The following PCDHGA2 variants were observed in gnomAD, a reference collection of about 807,000 sequenced individuals.
PCDHGA2 encodes protocadherin gamma-A2.
A neutral mutation model predicts 59.2 loss-of-function variants in PCDHGA2; 40 were observed. The observed-to-expected ratio is 0.68, with a 90% CI of 0.52 to 0.88. The LOEUF is 0.88. Ranked by LOEUF, PCDHGA2 falls within the 40% of genes least tolerant of loss-of-function variation. The pLI, the probability that PCDHGA2 is intolerant of heterozygous loss-of-function variation, is 0.00. For synonymous variants in PCDHGA2, 560 were observed against 526.0 expected (o/e 1.06, Z -0.89); for missense variants, 1,226 against 1,204.0 (o/e 1.02, Z -0.27).
intron 1 of PCDHGA2, chr5:141,419,630 G>A (rs1484627772): frequency 6.2e-7 from 1 of 1,612,430 alleles, no homozygotes; most frequent in South Asian, 1.1e-5. Context: ...GGTGACCAAG[G>A]TGGTGGCCGT....
Position 141,485,966 on chromosome 5 carries a change from A to T in PCDHGA2, c.2425-8841A>T. ...AGCGGGCATGGTGCTCATCCAGCTC[A>T]ATGCCTCAGACCCGGACCTGGGTCC... On this transcript the variant is annotated intron_variant, in intron 1 of 3. Coordinates refer to ENST00000394576, the MANE Select transcript of PCDHGA2 (RefSeq NM_018915.4). The surrounding 1 kb of genome is among the most constrained non-coding windows in gnomAD (Gnocchi z 5.7). 1 of 1,614,168 alleles carries T rather than the reference A, an allele frequency of 6.2e-7. No individual in the cohort carries two copies. Among genetic ancestry groups the T allele is most frequent in the Non-Finnish European group, 8.5e-7 (1 of 1,179,988 alleles).
intron 1 of PCDHGA2, among the ~76,000 whole-genome samples, chr5:141,480,753 G>A (rs1418880497): frequency 1.3e-5 from 2 of 152,144 alleles, no homozygotes; most frequent in Non-Finnish European, 2.9e-5. Flanking sequence ...ATCATTTTTT[G>A]AAGGTCCCCA....
intron 1 of PCDHGA2, chr5:141,394,510 C>T (rs371348730): frequency 2.5e-6 from 4 of 1,614,098 alleles, no homozygotes; most frequent in Non-Finnish European, 3.4e-6. Flanking sequence ...CTGTACCCCG[C>T]CCTCCCCACA....
chr5:141,364,347 G>C, intron 1 of PCDHGA2: 1 of 1,543,210 alleles, frequency 6.5e-7, no homozygotes, highest in East Asian at 2.3e-5. Context: ...AGTCCACCTA[G>C]GGGCTGGGGC....
chr5:141,394,809 G>C (rs1346374248), intron 1 of PCDHGA2: 1 of 1,613,892 alleles, frequency 6.2e-7, no homozygotes, highest in Non-Finnish European at 8.5e-7. Flanking sequence ...AGCCGTGGCT[G>C]ACAGCATCCC....
In PCDHGA2 at chr5:141,511,580, G is replaced by A. The variant is rs1436011320; in HGVS notation, c.*407G>A. ...CTCTTTCCCGAGTAAGGTGGTTGGG[G>A]TGTTGAAGTACCAAGTAACCTACAA... On this transcript the variant is annotated 3_prime_UTR_variant, in exon 4 of 4. Coordinates refer to ENST00000394576, the MANE Select transcript of PCDHGA2 (RefSeq NM_018915.4). 2 of 282,206 alleles carry A rather than the reference G, an allele frequency of 7.1e-6. No individual in the cohort carries two copies. Among genetic ancestry groups the A allele is most frequent in the Admixed American group, 4.6e-5 (1 of 21,516 alleles). The allele number at this position is 282,206 out of a possible 1,614,324, so 17.5% of individuals were successfully genotyped here.
intron 1 of PCDHGA2, chr5:141,410,343 G>C: frequency 6.2e-7 from 1 of 1,613,964 alleles, no homozygotes; most frequent in Non-Finnish European, 8.5e-7. Flanking sequence ...ATTGCCTTGC[G>C]CCTGCGACGC....
intron 1 of PCDHGA2, chr5:141,478,480 G>C (rs1444434721): frequency 1.9e-6 from 3 of 1,613,564 alleles, no homozygotes; most frequent in South Asian, 2.2e-5. Flanking sequence ...GCCAGAACAC[G>C]CTGCGGAGCT....
In PCDHGA2 at chr5:141,374,403, A is replaced by G. The variant is rs201390749; in HGVS notation, c.2424+33008A>G. 6.2e-4 allele frequency: 999 copies of G among 1,613,916 alleles called. 2 individuals are homozygous for G. Among genetic ancestry groups the G allele is most frequent in the Non-Finnish European group, 8.1e-4 (961 of 1,179,908 alleles). ...AGCCCGCGGTGTCTGGTGAGTTTTA[A>G]CATCCTTGTCGAGGATAAACTGAAT... On this transcript the variant is annotated intron_variant, in intron 1 of 3. Coordinates refer to ENST00000394576, the MANE Select transcript of PCDHGA2 (RefSeq NM_018915.4).
chr5:141,419,644 CG>C (rs1418985518), intron 1 of PCDHGA2: 2 of 1,612,396 alleles, frequency 1.2e-6, no homozygotes, highest in Non-Finnish European at 1.7e-6. Flanking sequence ...TGGCCGTGGA[CG>C]CGGACTCGGG....
intron 1 of PCDHGA2, chr5:141,365,337 C>T: frequency 1.9e-6 from 3 of 1,613,956 alleles, no homozygotes; most frequent in Non-Finnish European, 2.5e-6. Flanking sequence ...GTGGTGGTCA[C>T]AGTACAGGAC....
At chr5:141,478,068 A>T (rs560968418) in intron 1 of PCDHGA2, 1 of 1,614,134 alleles carries the variant, frequency 6.2e-7, no homozygotes, top group East Asian at 2.2e-5. Flanking sequence ...ATCAAAGACA[A>T]TGGGGAGCCT....
At chr5:141,392,730 C>T (rs1374381872) in intron 1 of PCDHGA2, 10 of 1,409,212 alleles carry the variant, frequency 7.1e-6, no homozygotes, top group Non-Finnish European at 8.4e-6. Context: ...GGAGGATTGT[C>T]ATCTCCATAG....
chr5:141,349,704 A>G (rs903001595), intron 1 of PCDHGA2, among the ~76,000 whole-genome samples: 4 of 152,170 alleles, frequency 2.6e-5, no homozygotes, highest in Admixed American at 6.5e-5. Flanking sequence ...ATTTTAGTCA[A>G]CTAAAAATAT....
At chr5:141,420,211 T>C (rs759486952) in intron 1 of PCDHGA2, 11 of 1,612,388 alleles carry the variant, frequency 6.8e-6, no homozygotes, top group African/African-American at 1.3e-5. Context: ...TCAACAAAGA[T>C]AGCATGCTAC....
In PCDHGA2 at chr5:141,363,308, G is replaced by A. The variant is rs144371866; in HGVS notation, c.2424+21913G>A. ...ATTATATAGAATTTTTATTTTCTTA[G>A]TTTTCTATGAAAGTGTTATTAAATA... On this transcript the variant is annotated intron_variant, in intron 1 of 3. Transcript: ENST00000394576. Among the ~76,000 whole-genome samples, 211 of 152,094 alleles carry A rather than the reference G, an allele frequency of 1.4e-3. 2 individuals carry two copies. Among genetic ancestry groups the A allele is most frequent in the African/African-American group, 5.0e-3 (207 of 41,486 alleles).
intron 1 of PCDHGA2, among the ~76,000 whole-genome samples, chr5:141,466,514 T>C (rs1276000407): frequency 6.6e-6 from 1 of 152,226 alleles, no homozygotes; most frequent in Non-Finnish European, 1.5e-5. Context: ...AAGATCATTT[T>C]TTTTCCTCCC....
intron 1 of PCDHGA2, chr5:141,388,068 C>T (rs562398369): frequency 8.0e-6 from 11 of 1,373,194 alleles, no homozygotes; most frequent in Non-Finnish European, 1.1e-5. Flanking sequence ...CCAGGAGTTA[C>T]CGACTCGAAA....
chr5:141,485,737 C>T lies in PCDHGA2; in HGVS notation c.2425-9070C>T. On this transcript the variant is annotated intron_variant, in intron 1 of 3. Coordinates refer to ENST00000394576, the MANE Select transcript of PCDHGA2 (RefSeq NM_018915.4). The surrounding 1 kb of genome is among the most constrained non-coding windows in gnomAD (Gnocchi z 5.7). ...TGGATGTGAAGAAGCGCAGCGACGGCAGCCTGGTCCCAGAGCTGCTCCTGG... is the reference window on the plus strand; with the variant it reads ...TGGATGTGAAGAAGCGCAGCGACGGTAGCCTGGTCCCAGAGCTGCTCCTGG... 6.2e-7 allele frequency: 1 copy of T among 1,614,222 alleles called. No individual in the cohort carries two copies. Among genetic ancestry groups the T allele is most frequent in the Non-Finnish European group, 8.5e-7 (1 of 1,180,036 alleles).
Sources: gnomAD v4.1 joint callset for allele counts (sites outside exome capture counted in the v4.1 genomes callset) on GRCh38, gnomAD v4.1.1 for gene constraint, Gnocchi (gnomAD v3.1) non-coding constraint, MANE v1.5 for transcripts, NCBI Gene and HGNC (gene_info 2026-07-23, HGNC 2026-07-21) for gene names.